Variants in DLG1 observed in about 807,000 individuals in gnomAD.
DLG1 encodes discs large MAGUK scaffold protein 1.
DLG1 carries 42 observed loss-of-function variants against 123.4 expected under a neutral mutation model. That is an observed-to-expected ratio of 0.34 (90% CI 0.27 to 0.44). The LOEUF is 0.44. Among genes scored for constraint, DLG1 ranks in the 20% least tolerant of loss-of-function variants. The probability of loss-of-function intolerance (pLI) is 1.00; values close to 1 mark genes in which losing one functional copy is unlikely to be tolerated. For missense variants in DLG1, 942 were observed against 1,082.6 expected (o/e 0.87, Z 1.82); for synonymous variants, 317 against 356.2 (o/e 0.89, Z 1.24).
chr3:197,094,095 A>T (rs1015696767), intron 14 of DLG1, among the ~76,000 whole-genome samples: 3 of 152,168 alleles, frequency 2.0e-5, no homozygotes, highest in African/African-American at 7.2e-5. Flanking sequence ...TCTGAGCCCA[A>T]ACTTCTAGCC....
chr3:197,061,612 T>A (rs917107072), intron 22 of DLG1, among the ~76,000 whole-genome samples: 13 of 152,200 alleles, frequency 8.5e-5, no homozygotes, highest in African/African-American at 3.1e-4. Context: ...CTTGATGTTT[T>A]TGAAGAGTAT....
At chr3:197,157,084 A>G (rs890521430) in intron 5 of DLG1, among the ~76,000 whole-genome samples, 7 of 152,234 alleles carry the variant, frequency 4.6e-5, no homozygotes, top group Non-Finnish European at 8.8e-5. Flanking sequence ...AAAGACTGAA[A>G]GCTTTTCCTC....
chr3:197,206,037 C>A (rs1005328098), intron 4 of DLG1, among the ~76,000 whole-genome samples: 1 of 152,144 alleles, frequency 6.6e-6, no homozygotes, highest in Non-Finnish European at 1.5e-5. Context: ...TATTAAAAAC[C>A]TTATTTCCAT....
intron 5 of DLG1, among the ~76,000 whole-genome samples, chr3:197,171,482 CA>C (rs1486815840): frequency 1.3e-5 from 2 of 152,086 alleles, no homozygotes; most frequent in Non-Finnish European, 2.9e-5. Context: ...TTAAACAAAT[CA>C]CTAAGGGTAT....
chr3:197,244,543 T>G (rs970272686), intron 4 of DLG1, among the ~76,000 whole-genome samples: 1 of 152,062 alleles, frequency 6.6e-6, no homozygotes, highest in African/African-American at 2.4e-5. Context: ...GAAAGGATAA[T>G]TGTCTGACAG....
chr3:197,169,006 T>C (rs1406826682), intron 5 of DLG1, among the ~76,000 whole-genome samples: 1 of 152,254 alleles, frequency 6.6e-6, no homozygotes. Flanking sequence ...TCTGAACAAA[T>C]GTTTAAAGTG....
intron 22 of DLG1, among the ~76,000 whole-genome samples, chr3:197,062,834 A>G (rs1736763412): frequency 6.6e-6 from 1 of 152,204 alleles, no homozygotes; most frequent in Non-Finnish European, 1.5e-5. Flanking sequence ...ATCTATTTCT[A>G]TATCTACTCT....
intron 23 of DLG1, among the ~76,000 whole-genome samples, chr3:197,053,889 C>T (rs923249832): frequency 3.3e-5 from 5 of 151,718 alleles, no homozygotes; most frequent in East Asian, 1.9e-4. Context: ...GCTCAGAGTT[C>T]GAGACCAGCC....
At chr3:197,184,547 A>T (rs1561315676) in intron 5 of DLG1, among the ~76,000 whole-genome samples, 1 of 152,176 alleles carries the variant, frequency 6.6e-6, no homozygotes, top group Non-Finnish European at 1.5e-5. Flanking sequence ...TTCCTTTATC[A>T]TTTTATGTAA....
chr3:197,225,637 A>T (rs1392736203), intron 4 of DLG1, among the ~76,000 whole-genome samples: 1 of 152,216 alleles, frequency 6.6e-6, no homozygotes. Context: ...ATTAATGGAA[A>T]ATGACATTTT....
intron 4 of DLG1, among the ~76,000 whole-genome samples, chr3:197,251,020 C>T (rs528607953): frequency 5.3e-5 from 8 of 150,242 alleles, no homozygotes; most frequent in Non-Finnish European, 1.0e-4. Flanking sequence ...ATAGGACCCC[C>T]AAAATGGAAA....
intron 4 of DLG1, among the ~76,000 whole-genome samples, chr3:197,211,515 C>G (rs1197142482): frequency 1.4e-5 from 2 of 146,442 alleles, no homozygotes; most frequent in Non-Finnish European, 3.1e-5. Flanking sequence ...TGATTCATCA[C>G]ATAAACAGAA....
intron 5 of DLG1, among the ~76,000 whole-genome samples, chr3:197,162,934 G>T (rs1799398329): frequency 6.6e-6 from 1 of 152,114 alleles, no homozygotes; most frequent in African/African-American, 2.4e-5. Flanking sequence ...ATGGGAGAAG[G>T]TATTTGCAAA....
At position 197,090,839 on chromosome 3, in the gene DLG1, T is replaced by C. The variant is rs866055955; in HGVS notation, c.1661+73A>G. 2.3e-5 allele frequency: 20 copies of C among 874,750 alleles called. No homozygotes were observed. In the Middle Eastern group the frequency reaches 9.1e-4, roughly 40 times the overall value. The allele number at this position is 874,750 out of a possible 1,614,324, so 54.2% of individuals were successfully genotyped here. ...TCTTACGGTAAAACTAAGTAAGTTA[T>C]AGTGAAAAATACAAAATAATTTACA... On this transcript the variant is annotated intron_variant, in intron 15 of 24. Coordinates refer to ENST00000667157, the MANE Select transcript of DLG1 (RefSeq NM_001366207.1).
chr3:197,115,046 C>T (rs1292173471), intron 13 of DLG1, among the ~76,000 whole-genome samples: 1 of 130,580 alleles, frequency 7.7e-6, no homozygotes, highest in South Asian at 2.5e-4. Flanking sequence ...CAGTCCTATA[C>T]AACAAATAAC....
chr3:197,138,110 C>A (rs1162003730), intron 9 of DLG1, 112 bp downstream of exon 9: 2 of 572,086 alleles, frequency 3.5e-6, no homozygotes, highest in Non-Finnish European at 5.4e-6. Context: ...CACTCAAGTT[C>A]TGTAGAATAT....
intron 18 of DLG1, among the ~76,000 whole-genome samples, chr3:197,072,988 C>T (rs553613753): frequency 3.9e-5 from 6 of 152,248 alleles, no homozygotes; most frequent in South Asian, 2.1e-4. Flanking sequence ...TGAGTCACCG[C>T]GCCCAGCCTG....
At chr3:197,046,559 G>A (rs899979043) in intron 24 of DLG1, among the ~76,000 whole-genome samples, 1 of 152,124 alleles carries the variant, frequency 6.6e-6, no homozygotes, top group African/African-American at 2.4e-5. Flanking sequence ...CCAAATTGAG[G>A]GAGGGACATT....
chr3:197,177,600 T>C (rs1003354901), intron 5 of DLG1, among the ~76,000 whole-genome samples: 10 of 152,142 alleles, frequency 6.6e-5, no homozygotes, highest in Non-Finnish European at 1.2e-4. Context: ...TTCAGACCTG[T>C]TGCCTGGTGG....
Sources: allele counts gnomAD v4.1 joint callset (sites outside exome capture counted in the v4.1 genomes callset), GRCh38; gene constraint gnomAD v4.1.1; transcripts MANE v1.5; gene names NCBI Gene and HGNC (gene_info 2026-07-23, HGNC 2026-07-21).